Variants in IFT122 observed in about 807,000 individuals in gnomAD.
IFT122 encodes the protein intraflagellar transport 122.
In IFT122, 118 loss-of-function variants were observed where a neutral mutation model predicts 161.6. The ratio of observed to expected loss-of-function variants is 0.73; its 90% CI spans 0.63 to 0.85. The LOEUF (loss-of-function observed/expected upper bound fraction) is 0.85. IFT122 is among the 40% of genes least tolerant of loss of function. The pLI is 0.00. For synonymous variants in IFT122, 550 were observed against 602.4 expected, an observed-to-expected ratio of 0.91 and a Z score of 1.27; for missense variants, 1,381 against 1,579.6, an observed-to-expected ratio of 0.87 and a Z score of 2.13.
chr3:129,491,754 C>T (rs1219435944), intron 16 of IFT122, among the ~76,000 whole-genome samples: 3 of 152,256 alleles, frequency 2.0e-5, no homozygotes, highest in East Asian at 1.9e-4. Context: ...GGCAGTCTCT[C>T]ATCAGTCCAT....
At chr3:129,480,808 C>T (rs1323775181) in intron 13 of IFT122, among the ~76,000 whole-genome samples, 2 of 152,088 alleles carry the variant, frequency 1.3e-5, no homozygotes, top group Admixed American at 6.5e-5. Context: ...GATAATACCA[C>T]ATATTTCATA....
chr3:129,473,458 A>G (rs1315002172), intron 9 of IFT122, among the ~76,000 whole-genome samples: 1 of 152,184 alleles, frequency 6.6e-6, no homozygotes, highest in African/African-American at 2.4e-5. Context: ...ACTCATATCC[A>G]TCATGTTCCT....
At chr3:129,468,062 T>A (rs991749259) in intron 8 of IFT122, among the ~76,000 whole-genome samples, 1 of 152,246 alleles carries the variant, frequency 6.6e-6, no homozygotes, top group African/African-American at 2.4e-5. Flanking sequence ...TCCTGGATTG[T>A]GTTTGGACTT....
intron 9 of IFT122, among the ~76,000 whole-genome samples, chr3:129,475,374 A>G (rs891262877): frequency 2.0e-4 from 30 of 152,322 alleles, no homozygotes; most frequent in African/African-American, 6.7e-4. Context: ...AATATAGGCC[A>G]GGAGCTATGA....
chr3:129,476,270 G>C, intron 9 of IFT122, 45 bp from the exon 10 acceptor site: 1 of 1,607,498 alleles, frequency 6.2e-7, no homozygotes, highest in Non-Finnish European at 8.5e-7. Context: ...AATGGTTATG[G>C]ATTCGGAAAT....
chr3:129,476,940 G>GTTTTTTTTTTTTT, intron 11 of IFT122, 139 bp downstream of exon 11: 1 of 714,976 alleles, frequency 1.4e-6, no homozygotes, highest in Non-Finnish European at 2.2e-6. Flanking sequence ...TCTGTGTCTT[G>GTTTTTTTTTTTTT]TTTTCTTTTT....
At chr3:129,498,968 C>T (rs1299839554) in intron 18 of IFT122, among the ~76,000 whole-genome samples, 2 of 152,248 alleles carry the variant, frequency 1.3e-5, no homozygotes, top group African/African-American at 4.8e-5. Context: ...CTGTTTCTCA[C>T]ACATTGTAGG....
At chr3:129,477,824 G>A (rs1406985777) in intron 11 of IFT122, among the ~76,000 whole-genome samples, 192 bp from the exon 12 acceptor site, 2 of 152,182 alleles carry the variant, frequency 1.3e-5, no homozygotes, top group Non-Finnish European at 2.9e-5. Flanking sequence ...CATGAAGATT[G>A]TGTCCTATAG....
chr3:129,502,653 C>G, intron 19 of IFT122, 58 bp from the exon 20 acceptor site: 1 of 1,581,410 alleles, frequency 6.3e-7, no homozygotes, highest in Non-Finnish European at 8.6e-7. Flanking sequence ...AATGGACATA[C>G]GGCTTGCCGT....
At chr3:129,514,279 C>T (rs1560011883) in intron 24 of IFT122, 110 bp from the exon 25 acceptor site, 4 of 1,241,874 alleles carry the variant, frequency 3.2e-6, no homozygotes, top group Middle Eastern at 1.8e-4. Context: ...CCTCTGCCTT[C>T]CCGGCACCAG....
chr3:129,520,447 A>C lies in IFT122; in HGVS notation c.*182A>C, dbSNP rs555277675. The C allele has an allele frequency of 1.5e-6, 1 of 663,804 alleles. No individual in the cohort carries two copies. The highest frequency in any genetic ancestry group is 1.6e-5 in the South Asian group (1 of 62,052). The allele number at this position is 663,804 out of a possible 1,614,324, so 41.1% of individuals were successfully genotyped here. ...TGGCATTTCATGCCTTGTAAATAGC[A>C]CCAGGAGATGAGGAAGAGAATGTAC... On this transcript the variant is annotated 3_prime_UTR_variant, in exon 30 of 30. Transcript: ENST00000348417.
chr3:129,470,556 C>T (rs1390475515), intron 9 of IFT122, among the ~76,000 whole-genome samples: 3 of 151,638 alleles, frequency 2.0e-5, no homozygotes, highest in African/African-American at 7.3e-5. Context: ...TGAGCCACCA[C>T]GCCCGGCCTA....
intron 3 of IFT122, among the ~76,000 whole-genome samples, chr3:129,457,656 A>G (rs532573188): frequency 6.6e-6 from 1 of 152,220 alleles, no homozygotes; most frequent in South Asian, 2.1e-4. Flanking sequence ...CAAAAGGAGT[A>G]CATTTTTGAG....
intron 9 of IFT122, among the ~76,000 whole-genome samples, chr3:129,470,220 G>C (rs189921077): frequency 3.3e-5 from 5 of 152,044 alleles, no homozygotes; most frequent in African/African-American, 1.2e-4. Flanking sequence ...AGCTGAAGAG[G>C]AACATGGGGG....
chr3:129,468,494 G>A (rs539927668), intron 8 of IFT122, among the ~76,000 whole-genome samples: 26 of 152,222 alleles, frequency 1.7e-4, no homozygotes, highest in African/African-American at 6.0e-4. Context: ...ACAGACACGC[G>A]ACACCACGCC....
At chr3:129,464,808 G>A in intron 7 of IFT122, 27 bp downstream of exon 7, 1 of 1,613,574 alleles carries the variant, frequency 6.2e-7, no homozygotes, top group Admixed American at 1.7e-5. Flanking sequence ...CCTCCTTCTA[G>A]AACAAACACC....
intron 19 of IFT122, 109 bp from the exon 20 acceptor site, chr3:129,502,602 A>T (rs1168813976): frequency 7.9e-7 from 1 of 1,259,450 alleles, no homozygotes; most frequent in Non-Finnish European, 1.1e-6. Flanking sequence ...AGCAACTCCC[A>T]TGGGCCATGG....
chr3:129,516,305 CACAG>C (rs1282052263), intron 26 of IFT122, among the ~76,000 whole-genome samples: 22 of 130,064 alleles, frequency 1.7e-4, no homozygotes, highest in South Asian at 1.1e-3. Context: ...CACACACACA[CACAG>C]AGACTGCCCC....
intron 9 of IFT122, 22 bp from the exon 10 acceptor site, chr3:129,476,293 G>C (rs1178207833): frequency 6.2e-7 from 1 of 1,613,886 alleles, no homozygotes; most frequent in East Asian, 2.2e-5. Context: ...TTTTTCCCTT[G>C]CTGTGTGTTC....
Sources: gnomAD v4.1 joint callset for allele counts (sites outside exome capture counted in the v4.1 genomes callset) on GRCh38, gnomAD v4.1.1 for gene constraint, MANE v1.5 for transcripts, NCBI Gene and HGNC (gene_info 2026-07-23, HGNC 2026-07-21) for gene names.